SGCZ: variants seen among roughly 807,000 people sequenced by gnomAD.
SGCZ encodes sarcoglycan zeta, also known as zeta-sarcoglycan.
In SGCZ, 40 loss-of-function variants were observed where a neutral mutation model predicts 41.3. The observed-to-expected ratio is 0.97, with a 90% CI of 0.75 to 1.26. The LOEUF is 1.26. Among genes scored for constraint, SGCZ ranks in the 50% most tolerant of loss-of-function variants. SGCZ has a pLI of 0.00. For synonymous variants in SGCZ, 206 were observed against 137.5 expected (o/e 1.50, Z -3.49); for missense variants, 552 against 369.8 (o/e 1.49, Z -4.04).
At chr8:14,769,020 C>T (rs1800138698) in intron 1 of SGCZ, among the ~76,000 whole-genome samples, 1 of 151,840 alleles carries the variant, frequency 6.6e-6, no homozygotes, top group Admixed American at 6.6e-5. Flanking sequence ...GTTGAACACT[C>T]TCTGATACAC....
chr8:14,346,442 A>C lies in SGCZ; in HGVS notation c.235-22238T>G, dbSNP rs1455809562. ...GATTTACTAAAATTCTGACATAATA[A>C]AATGGTGAAAAAGAACTATATATAA... On this transcript the variant is annotated intron_variant, in intron 2 of 7. Coordinates refer to ENST00000382080, the MANE Select transcript of SGCZ (RefSeq NM_139167.4). Among the ~76,000 whole-genome samples, 3 of 152,078 alleles carry C rather than the reference A, an allele frequency of 2.0e-5. No homozygotes were observed. The East Asian group carries it at 5.8e-4, about 29-fold the overall frequency.
chr8:14,506,063 T>A (rs1802295927), intron 2 of SGCZ, among the ~76,000 whole-genome samples: 1 of 151,888 alleles, frequency 6.6e-6, no homozygotes, highest in Non-Finnish European at 1.5e-5. Context: ...CTGGGCCAGG[T>A]GCAGTGGCTC....
chr8:14,211,730 A>G (rs1331448408), intron 4 of SGCZ, among the ~76,000 whole-genome samples: 1 of 152,110 alleles, frequency 6.6e-6, no homozygotes, highest in Non-Finnish European at 1.5e-5. Flanking sequence ...CTCACTCACT[A>G]TCACAAGAAC....
rs2116936418 is a variant in SGCZ at position 14,085,132 on chromosome 8, A to C, written c.*5311T>G. On this transcript the variant is annotated 3_prime_UTR_variant, in exon 8 of 8. Coordinates refer to ENST00000382080, the MANE Select transcript of SGCZ (RefSeq NM_139167.4). Reference sequence around the variant, plus strand: ...CTACAGTTTATAGGGCAGACAGTCCATTTAAATAGAAAAAGTGATTTTACA... The same window carrying C: ...CTACAGTTTATAGGGCAGACAGTCCCTTTAAATAGAAAAAGTGATTTTACA... Among the ~76,000 whole-genome samples, 1 of 151,976 alleles carries C rather than the reference A, an allele frequency of 6.6e-6. No homozygotes were observed. The highest frequency in any genetic ancestry group is 1.9e-4 in the East Asian group (1 of 5,142).
At chr8:15,100,277 T>C (rs1201167059) in intron 1 of SGCZ, among the ~76,000 whole-genome samples, 8 of 152,174 alleles carry the variant, frequency 5.3e-5, no homozygotes, top group African/African-American at 1.9e-4. Context: ...AGTTAATATA[T>C]AAAAGTCCAT....
At chr8:15,122,023 A>T (rs772704832) in intron 1 of SGCZ, among the ~76,000 whole-genome samples, 4 of 152,072 alleles carry the variant, frequency 2.6e-5, no homozygotes, top group Non-Finnish European at 5.9e-5. Context: ...AAATTTCAGA[A>T]ATTCTATATA....
At chr8:15,220,688 A>T (rs982965847) in intron 1 of SGCZ, among the ~76,000 whole-genome samples, 1 of 152,196 alleles carries the variant, frequency 6.6e-6, no homozygotes, top group African/African-American at 2.4e-5. Context: ...ATTATAAATC[A>T]TTCTACTATA....
chr8:15,067,406 C>T (rs765745310), intron 1 of SGCZ, among the ~76,000 whole-genome samples: 27 of 152,230 alleles, frequency 1.8e-4, no homozygotes, highest in East Asian at 7.7e-4. Flanking sequence ...TTTTCAGGTA[C>T]GTAAATCTTA....
At chr8:14,231,160 AGTGTGTGTGT>A (rs71209027) in intron 4 of SGCZ, among the ~76,000 whole-genome samples, 2 of 112,036 alleles carry the variant, frequency 1.8e-5, no homozygotes, top group African/African-American at 7.2e-5. Context: ...TCTTTGGGCA[AGTGTGTGTGT>A]GTGTGTGTGT....
At chr8:14,118,259 T>G (rs550864003) in intron 5 of SGCZ, among the ~76,000 whole-genome samples, 1 of 152,280 alleles carries the variant, frequency 6.6e-6, no homozygotes, top group East Asian at 1.9e-4. Flanking sequence ...TTTCCTGACT[T>G]TTTAATGATC....
intron 3 of SGCZ, among the ~76,000 whole-genome samples, chr8:14,305,438 A>G (rs1421119740): frequency 6.6e-6 from 1 of 152,200 alleles, no homozygotes; most frequent in Non-Finnish European, 1.5e-5. Flanking sequence ...TGAGGTCTAT[A>G]TCTTCAAAAG....
At chr8:14,729,297 A>G (rs1810156866) in intron 1 of SGCZ, among the ~76,000 whole-genome samples, 3 of 152,220 alleles carry the variant, frequency 2.0e-5, no homozygotes. Context: ...TATGGACCAC[A>G]TGAATGAACC....
At chr8:14,445,825 G>GC (rs1353491574) in intron 2 of SGCZ, among the ~76,000 whole-genome samples, 4 of 152,158 alleles carry the variant, frequency 2.6e-5, no homozygotes, top group African/African-American at 9.7e-5. Flanking sequence ...TCTGGTTCTA[G>GC]CCATGGGTTC....
At chr8:14,797,427 G>A (rs1327593978) in intron 1 of SGCZ, among the ~76,000 whole-genome samples, 1 of 152,110 alleles carries the variant, frequency 6.6e-6, no homozygotes, top group South Asian at 2.1e-4. Flanking sequence ...AGGCATTTTG[G>A]CCCTATCTTA....
chr8:14,607,199 C>G (rs1329625706), intron 1 of SGCZ, among the ~76,000 whole-genome samples: 2 of 152,108 alleles, frequency 1.3e-5, no homozygotes, highest in African/African-American at 4.8e-5. Flanking sequence ...TACAAAACAA[C>G]AGACATATAC....
chr8:14,137,583 T>C (rs763509573), intron 5 of SGCZ, among the ~76,000 whole-genome samples: 3 of 152,092 alleles, frequency 2.0e-5, no homozygotes, highest in Non-Finnish European at 4.4e-5. Context: ...GTATCAGTGA[T>C]TGAAAACCAA....
chr8:14,800,545 G>A (rs1224682139), intron 1 of SGCZ, among the ~76,000 whole-genome samples: 1 of 152,180 alleles, frequency 6.6e-6, no homozygotes, highest in Admixed American at 6.5e-5. Flanking sequence ...GGTGGAAGGT[G>A]ATTAAGTCAT....
At chr8:14,667,465 G>A (rs779286650) in intron 1 of SGCZ, among the ~76,000 whole-genome samples, 24 of 152,192 alleles carry the variant, frequency 1.6e-4, no homozygotes, top group African/African-American at 4.6e-4. Context: ...AAAGCTTGTC[G>A]TACCACACCA....
chr8:14,916,824 T>C (rs1441323041), intron 1 of SGCZ, among the ~76,000 whole-genome samples: 1 of 152,148 alleles, frequency 6.6e-6, no homozygotes, highest in Non-Finnish European at 1.5e-5. Flanking sequence ...AGGATTCAGC[T>C]GGGTACTTTG....
Sources: allele counts gnomAD v4.1 joint callset (sites outside exome capture counted in the v4.1 genomes callset), GRCh38; gene constraint gnomAD v4.1.1; transcripts MANE v1.5; gene names NCBI Gene and HGNC (gene_info 2026-07-23, HGNC 2026-07-21).